Variants in LIFR observed in about 807,000 individuals in gnomAD.
LIFR encodes the protein LIF receptor subunit alpha.
In LIFR, 84 loss-of-function variants were observed where a neutral mutation model predicts 122.2. That is an observed-to-expected ratio of 0.69 (90% CI 0.58 to 0.82). LIFR has a LOEUF of 0.82. Among genes scored for constraint, LIFR ranks in the 40% least tolerant of loss-of-function variants. LIFR has a pLI of 0.00. For missense variants in LIFR, 1,294 were observed against 1,311.6 expected, an observed-to-expected ratio of 0.99 and a Z score of 0.21; for synonymous variants, 422 against 434.7, an observed-to-expected ratio of 0.97 and a Z score of 0.36.
At chr5:38,560,278 A>C (rs1413415031), upstream of LIFR, among the ~76,000 whole-genome samples, 2 of 152,198 alleles carry the variant, frequency 1.3e-5, no homozygotes, top group Non-Finnish European at 2.9e-5. Context: ...ATGTAGACTT[A>C]AATTGGTTTA....
At chr5:38,531,118 C>T (rs548882865) in intron 1 of LIFR, among the ~76,000 whole-genome samples, 1 of 152,196 alleles carries the variant, frequency 6.6e-6, no homozygotes, top group African/African-American at 2.4e-5. Flanking sequence ...CTCCCATTTA[C>T]ATGGTGTTGG....
chr5:38,487,638 G>T (rs1056681876), intron 16 of LIFR, among the ~76,000 whole-genome samples: 1 of 152,178 alleles, frequency 6.6e-6, no homozygotes, highest in South Asian at 2.1e-4. Flanking sequence ...ACGTAAATAT[G>T]GTCTCTCTCT....
chr5:38,477,004 A>C lies in LIFR; in HGVS notation c.*4591T>G, dbSNP rs1026212623. ...AATTACAAGGATCTGGATATATTCT[A>C]GACCAAATCACACTCCCTGAAACAT... On this transcript the variant is annotated 3_prime_UTR_variant, in exon 20 of 20. Coordinates refer to ENST00000453190, the MANE Select transcript of LIFR (RefSeq NM_001127671.2). 4.5e-6 allele frequency: 1 copy of C among 223,962 alleles called. No homozygotes were observed. The highest frequency in any genetic ancestry group is 2.2e-5 in the African/African-American group (1 of 44,876). 13.9% of individuals were successfully genotyped at this position (223,962 alleles called of 1,614,324 possible).
intron 1 of LIFR, among the ~76,000 whole-genome samples, chr5:38,535,641 A>G (rs951006407): frequency 1.3e-5 from 2 of 152,064 alleles, no homozygotes; most frequent in African/African-American, 4.8e-5. Flanking sequence ...TAATCTTATA[A>G]TTCTCCCTAC....
intron 11 of LIFR, among the ~76,000 whole-genome samples, chr5:38,502,020 A>G (rs1280012255): frequency 1.3e-5 from 2 of 151,410 alleles, no homozygotes; most frequent in African/African-American, 2.4e-5. Context: ...AGTTAAAAGC[A>G]TAATTAAAAT....
chr5:38,551,244 G>A (rs770858204), intron 1 of LIFR, among the ~76,000 whole-genome samples: 7 of 152,128 alleles, frequency 4.6e-5, no homozygotes, highest in Non-Finnish European at 5.9e-5. Context: ...CTCCAGGCCC[G>A]TTGCATGGAA....
At chr5:38,551,161 C>G (rs1023113454) in intron 1 of LIFR, among the ~76,000 whole-genome samples, 1 of 152,146 alleles carries the variant, frequency 6.6e-6, no homozygotes, top group African/African-American at 2.4e-5. Flanking sequence ...GATGTTTTTG[C>G]AATGGTCTTG....
chr5:38,554,491 G>C (rs1156461766), intron 1 of LIFR, among the ~76,000 whole-genome samples: 1 of 152,208 alleles, frequency 6.6e-6, no homozygotes, highest in Admixed American at 6.5e-5. Context: ...ACAATGAAGA[G>C]ATTAAATAAA....
intron 8 of LIFR, among the ~76,000 whole-genome samples, 195 bp downstream of exon 8, chr5:38,506,308 C>T (rs1009147724): frequency 1.3e-5 from 2 of 152,082 alleles, no homozygotes; most frequent in Non-Finnish European, 2.9e-5. Flanking sequence ...TCATTCTAAG[C>T]TTCTTAAAAG....
intron 1 of LIFR, among the ~76,000 whole-genome samples, chr5:38,586,294 T>C (rs942227201): frequency 4.6e-5 from 7 of 152,208 alleles, no homozygotes; most frequent in African/African-American, 1.7e-4. Context: ...CAAACTGTCC[T>C]ACCTATGTTA....
chr5:38,506,067 C>A lies in LIFR; in HGVS notation c.1129G>T (p.Gly377Ter). The A allele has an allele frequency of 6.3e-7, 1 of 1,585,018 alleles. No homozygotes were observed. The highest frequency in any genetic ancestry group is 8.6e-7 in the Non-Finnish European group (1 of 1,160,632). Residue 377 changes from glycine to a stop codon, truncating the protein, a stop_gained, in exon 9 of 20, where the codon GGA becomes TGA. Transcript: ENST00000453190. LOFTEE classifies it high-confidence loss of function. ...TSYTLVESFS[G>*]KYVRLKRAEA... ...GCTCTTTTAAGTCTAACATATTTTC[C>A]TGAAAAACTGTTAATTAACAGAAAA...
At chr5:38,548,700 GACA>G (rs1369004958) in intron 1 of LIFR, among the ~76,000 whole-genome samples, 1 of 152,166 alleles carries the variant, frequency 6.6e-6, no homozygotes, top group Non-Finnish European at 1.5e-5. Flanking sequence ...GACTATTCAA[GACA>G]ACAACAGAAA....
upstream of LIFR, among the ~76,000 whole-genome samples, chr5:38,559,804 A>G (rs1433322684): frequency 1.3e-5 from 2 of 152,192 alleles, no homozygotes; most frequent in Non-Finnish European, 2.9e-5. Flanking sequence ...TTCTTAGTTA[A>G]TTATTTTGTG....
At chr5:38,545,385 CAT>C (rs974838389) in intron 1 of LIFR, among the ~76,000 whole-genome samples, 3 of 151,856 alleles carry the variant, frequency 2.0e-5, no homozygotes, top group Admixed American at 6.6e-5. Context: ...TGTGTATACA[CAT>C]ATATATATGC....
chr5:38,507,324 G>C (rs935030529), intron 7 of LIFR, among the ~76,000 whole-genome samples: 2 of 151,754 alleles, frequency 1.3e-5, no homozygotes, highest in Admixed American at 1.3e-4. Flanking sequence ...AGCACTCTGG[G>C]AGGCCAAGGT....
At chr5:38,504,246 C>A in intron 9 of LIFR, 125 bp from the exon 10 acceptor site, 1 of 675,026 alleles carries the variant, frequency 1.5e-6, no homozygotes, top group Non-Finnish European at 2.6e-6. Flanking sequence ...CAACATCCTA[C>A]CCAGTATTTG....
chr5:38,528,004 T>C (rs915073185), intron 3 of LIFR, among the ~76,000 whole-genome samples: 1 of 152,204 alleles, frequency 6.6e-6, no homozygotes, highest in Non-Finnish European at 1.5e-5. Flanking sequence ...ACTCTGGACT[T>C]GAATGGGTCC....
At chr5:38,581,012 C>T (rs1464744082) in intron 1 of LIFR, among the ~76,000 whole-genome samples, 1 of 152,116 alleles carries the variant, frequency 6.6e-6, no homozygotes, top group Non-Finnish European at 1.5e-5. Context: ...GTTATTCAAC[C>T]TCTCTGTGCC....
upstream of LIFR, chr5:38,556,924 C>G (rs1339147233): frequency 6.6e-6 from 1 of 152,000 alleles, no homozygotes; most frequent in Non-Finnish European, 1.5e-5. Flanking sequence ...GCGAGGCGGC[C>G]GAGCCCAGGC....
Sources: gnomAD v4.1 joint callset for allele counts (sites outside exome capture counted in the v4.1 genomes callset) on GRCh38, gnomAD v4.1.1 for gene constraint, MANE v1.5 for transcripts, NCBI Gene and HGNC (gene_info 2026-07-23, HGNC 2026-07-21) for gene names.